PPIH: variants seen among roughly 807,000 people sequenced by gnomAD.
The protein encoded by PPIH is peptidyl-prolyl cis-trans isomerase H.
In PPIH, 16 loss-of-function variants were observed where a neutral mutation model predicts 27.6. The observed-to-expected ratio is 0.58, with a 90% confidence interval of 0.39 to 0.88. PPIH has a LOEUF of 0.88. PPIH is among the 40% of genes least tolerant of loss of function. The pLI is 0.00. For synonymous variants in PPIH, 63 were observed against 76.1 expected, an observed-to-expected ratio of 0.83 and a Z score of 0.90; for missense variants, 155 against 224.1, an observed-to-expected ratio of 0.69 and a Z score of 1.97.
chr1:42,677,242 G>A (rs1313675324), downstream of PPIH, among the ~76,000 whole-genome samples: 1 of 152,214 alleles, frequency 6.6e-6, no homozygotes, highest in Non-Finnish European at 1.5e-5. Context: ...GGGAGGCCAA[G>A]GTGGACAGAT....
intron 5 of PPIH, 30 bp downstream of exon 5, chr1:42,660,934 C>G (rs1427532052): frequency 6.3e-7 from 1 of 1,589,164 alleles, no homozygotes; most frequent in African/African-American, 1.3e-5. Flanking sequence ...TATCAAAGAC[C>G]CGTAGTTTTA....
At position 42,667,339 on chromosome 1, in the gene PPIH, T is replaced by C; in HGVS notation, c.466-12T>C. 6.3e-7 allele frequency: 1 copy of C among 1,589,946 alleles called. No individual in the cohort carries two copies. The highest frequency in any genetic ancestry group is 8.6e-7 in the Non-Finnish European group (1 of 1,158,506). On this transcript the variant is annotated splice_polypyrimidine_tract_variant and intron_variant, in intron 8 of 9. Coordinates refer to ENST00000304979, the MANE Select transcript of PPIH (RefSeq NM_006347.4). ...CTGAGTGGATGAATCTCCATTGTGCTTTTTTTCCTAGAATGTTCCCACAGG... is the reference window on the plus strand; with the variant it reads ...CTGAGTGGATGAATCTCCATTGTGCCTTTTTTCCTAGAATGTTCCCACAGG...
At chr1:42,659,001 G>T in intron 2 of PPIH, 93 bp downstream of exon 2, 1 of 1,425,136 alleles carries the variant, frequency 7.0e-7, no homozygotes. Flanking sequence ...CTGTCCGTCC[G>T]CTCACTGCTC....
chr1:42,667,546 C>T, intron 9 of PPIH, 106 bp downstream of exon 9: 2 of 896,678 alleles, frequency 2.2e-6, no homozygotes, highest in Non-Finnish European at 3.5e-6. Flanking sequence ...GAGCCCAGTT[C>T]CTCCGTGTAT....
intron 5 of PPIH, among the ~76,000 whole-genome samples, chr1:42,663,533 T>C (rs1460666666): frequency 6.6e-6 from 1 of 152,088 alleles, no homozygotes; most frequent in Non-Finnish European, 1.5e-5. Flanking sequence ...CCCGAGTAGC[T>C]GGGATTACAG....
At chr1:42,669,379 G>A (rs975230231) in intron 9 of PPIH, among the ~76,000 whole-genome samples, 2 of 152,060 alleles carry the variant, frequency 1.3e-5, no homozygotes, top group Non-Finnish European at 2.9e-5. Context: ...ATGCACAAAC[G>A]TATTAAAAAT....
At chr1:42,663,356 G>A (rs1557512572) in intron 5 of PPIH, among the ~76,000 whole-genome samples, 2 of 151,998 alleles carry the variant, frequency 1.3e-5, no homozygotes. Context: ...CAGATTGGAA[G>A]TGACTTTCCC....
chr1:42,668,511 T>A (rs913169039), intron 9 of PPIH, among the ~76,000 whole-genome samples: 1 of 152,152 alleles, frequency 6.6e-6, no homozygotes, highest in Non-Finnish European at 1.5e-5. Flanking sequence ...AAGAACATCC[T>A]ACGTAACCAC....
downstream of PPIH, among the ~76,000 whole-genome samples, chr1:42,677,279 G>A (rs968438421): frequency 1.3e-5 from 2 of 151,992 alleles, no homozygotes; most frequent in Admixed American, 6.6e-5. Context: ...TTCAAGACCA[G>A]CCTGGCCAAG....
chr1:42,680,655 T>C (rs983556353), downstream of PPIH, among the ~76,000 whole-genome samples: 3 of 152,192 alleles, frequency 2.0e-5, no homozygotes, highest in Non-Finnish European at 4.4e-5. Context: ...AGAGGTGTGG[T>C]TAGTAGCCAA....
At chr1:42,659,400 A>T in intron 3 of PPIH, 122 bp from the exon 4 acceptor site, 1 of 1,613,754 alleles carries the variant, frequency 6.2e-7, no homozygotes, top group Non-Finnish European at 8.5e-7. Flanking sequence ...TCCCTAGTTT[A>T]TTTGCCTTCT....
chr1:42,677,300 C>G (rs1368207780), downstream of PPIH, among the ~76,000 whole-genome samples: 15 of 144,536 alleles, frequency 1.0e-4, no homozygotes, highest in Non-Finnish European at 3.0e-5. Context: ...ATGGTGAAAC[C>G]CCATCCCTAC....
chr1:42,676,879 G>A (rs1380426939), downstream of PPIH: 1 of 152,096 alleles, frequency 6.6e-6, no homozygotes, highest in East Asian at 1.9e-4. Flanking sequence ...GGCCAGCATG[G>A]ACCAGAGCCA....
intron 9 of PPIH, among the ~76,000 whole-genome samples, chr1:42,671,511 TTAAATG>T (rs1649635103): frequency 6.6e-6 from 1 of 152,330 alleles, no homozygotes; most frequent in South Asian, 2.1e-4. Flanking sequence ...GTGAACTCTT[TTAAATG>T]TAAGCTTCTC....
intron 1 of PPIH, 90 bp downstream of exon 1, chr1:42,658,602 G>A: frequency 6.9e-7 from 1 of 1,439,574 alleles, no homozygotes. Context: ...GCGGACTCGG[G>A]AAGCCAGCCA....
chr1:42,679,568 T>C (rs527632236), downstream of PPIH, among the ~76,000 whole-genome samples: 1 of 152,362 alleles, frequency 6.6e-6, no homozygotes, highest in South Asian at 2.1e-4. Context: ...TAAGTAATGA[T>C]ACTTTTTAAA....
intron 7 of PPIH, 71 bp from the exon 8 acceptor site, chr1:42,666,475 TA>T: frequency 6.8e-7 from 1 of 1,469,526 alleles, no homozygotes. Flanking sequence ...AGAAAATAGC[TA>T]AGAATGGGCT....
chr1:42,666,524 T>C, intron 7 of PPIH, 23 bp from the exon 8 acceptor site: 1 of 1,611,900 alleles, frequency 6.2e-7, no homozygotes, highest in Non-Finnish European at 8.5e-7. Flanking sequence ...AAGAATAAAG[T>C]CCAGCTCATG....
chr1:42,671,491 G>A (rs1021681368), intron 9 of PPIH, among the ~76,000 whole-genome samples: 6 of 152,164 alleles, frequency 3.9e-5, no homozygotes, highest in Admixed American at 3.9e-4. Flanking sequence ...AGTGGCTACT[G>A]TACTGGACAG....
Sources: gnomAD v4.1 joint callset for allele counts (sites outside exome capture counted in the v4.1 genomes callset) on GRCh38, gnomAD v4.1.1 for gene constraint, MANE v1.5 for transcripts, NCBI Gene and HGNC (gene_info 2026-07-23, HGNC 2026-07-21) for gene names.